The following NRXN3 variants were observed in gnomAD, a reference collection of about 807,000 sequenced individuals.
NRXN3 encodes the protein neurexin III.
NRXN3 carries 32 observed loss-of-function variants against 137.6 expected under a neutral mutation model. The ratio of observed to expected loss-of-function variants is 0.23; its 90% CI spans 0.18 to 0.31. NRXN3 has a LOEUF of 0.31. NRXN3 is among the 10% of genes least tolerant of loss of function. NRXN3 has a pLI of 1.00. For missense variants in NRXN3, 1,574 were observed against 2,062.5 expected, an observed-to-expected ratio of 0.76 and a Z score of 4.59; for synonymous variants, 798 against 784.5, an observed-to-expected ratio of 1.02 and a Z score of -0.29.
chr14:79,121,549 A>G (rs750835678), intron 15 of NRXN3, among the ~76,000 whole-genome samples: 15 of 152,096 alleles, frequency 9.9e-5, no homozygotes, highest in Non-Finnish European at 2.1e-4. Flanking sequence ...TTTATTTTTT[A>G]TTAGACAATT....
intron 15 of NRXN3, among the ~76,000 whole-genome samples, chr14:79,433,142 T>C (rs1366162253): frequency 6.6e-6 from 1 of 152,236 alleles, no homozygotes; most frequent in Admixed American, 6.5e-5. Flanking sequence ...GGGAAGAATG[T>C]CTGCAGAAAG....
At chr14:78,327,362 C>T (rs1379258359) in intron 4 of NRXN3, among the ~76,000 whole-genome samples, 1 of 152,172 alleles carries the variant, frequency 6.6e-6, no homozygotes, top group African/African-American at 2.4e-5. Flanking sequence ...AAGCAAACAA[C>T]ATGAACACTG....
At chr14:78,337,256 A>G (rs2081585354) in intron 4 of NRXN3, among the ~76,000 whole-genome samples, 1 of 152,164 alleles carries the variant, frequency 6.6e-6, no homozygotes, top group Non-Finnish European at 1.5e-5. Context: ...CTGACTGTAC[A>G]GAGGGAATTA....
chr14:78,787,265 A>C (rs1055399016), intron 8 of NRXN3, among the ~76,000 whole-genome samples: 3 of 152,184 alleles, frequency 2.0e-5, no homozygotes, highest in African/African-American at 7.2e-5. Context: ...TAAAGGATTT[A>C]TCTCTCTGAT....
intron 10 of NRXN3, among the ~76,000 whole-genome samples, chr14:78,873,284 T>G: frequency 6.8e-6 from 1 of 146,392 alleles, no homozygotes. Context: ...ATCCAGTCTC[T>G]TTTGCTACTG....
chr14:78,170,540 G>A lies in NRXN3; in HGVS notation c.-838G>A, dbSNP rs192845103. 7 of 152,244 alleles carry A rather than the reference G, an allele frequency of 4.6e-5. No homozygotes were observed. The highest frequency in any genetic ancestry group is 1.7e-4 in the African/African-American group (7 of 41,422). The allele number at this position is 152,244 out of a possible 1,614,324, so 9.4% of individuals were successfully genotyped here. A position where few individuals can be genotyped will look rare whatever the true frequency, so the allele number is the denominator to read the frequency against. ...CCTTCTACCCTGCCACTCCCTCCCA[G>A]AGAGAAAGGAAAAGGAGAGAGAAAG... On this transcript the variant is annotated 5_prime_UTR_variant, in exon 1 of 21. Transcript: ENST00000335750.
intron 4 of NRXN3, among the ~76,000 whole-genome samples, chr14:78,335,331 C>A (rs1184910636): frequency 6.6e-6 from 1 of 152,198 alleles, no homozygotes; most frequent in Non-Finnish European, 1.5e-5. Flanking sequence ...GTCTGTGGCC[C>A]TCTGGCACTC....
chr14:79,449,621 A>G (rs1336912268), intron 15 of NRXN3, among the ~76,000 whole-genome samples: 1 of 152,206 alleles, frequency 6.6e-6, no homozygotes, highest in Non-Finnish European at 1.5e-5. Context: ...TATATATTCA[A>G]ATATAAGGCC....
At chr14:79,139,545 T>C (rs950927905) in intron 15 of NRXN3, among the ~76,000 whole-genome samples, 12 of 152,156 alleles carry the variant, frequency 7.9e-5, no homozygotes, top group Non-Finnish European at 1.6e-4. Flanking sequence ...ACCTGTCCTG[T>C]AACTTCACAG....
chr14:79,749,321 ATGG>A (rs1409842252), intron 19 of NRXN3, among the ~76,000 whole-genome samples: 1 of 152,006 alleles, frequency 6.6e-6, no homozygotes, highest in East Asian at 1.9e-4. Flanking sequence ...CTCCATCCAG[ATGG>A]TGCCTGCTCA....
chr14:78,896,163 C>CA (rs1465932190), intron 10 of NRXN3, among the ~76,000 whole-genome samples: 1 of 151,652 alleles, frequency 6.6e-6, no homozygotes, highest in African/African-American at 2.4e-5. Context: ...AAGTGAAGCA[C>CA]AAAAAAACTA....
At chr14:79,567,353 G>C (rs569643094) in intron 16 of NRXN3, among the ~76,000 whole-genome samples, 1 of 151,750 alleles carries the variant, frequency 6.6e-6, no homozygotes, top group East Asian at 1.9e-4. Flanking sequence ...ACTGACCTCC[G>C]GACACAAGAC....
At chr14:78,637,546 T>C (rs547447232) in intron 4 of NRXN3, among the ~76,000 whole-genome samples, 31 of 152,216 alleles carry the variant, frequency 2.0e-4, no homozygotes, top group African/African-American at 7.0e-4. Flanking sequence ...AGCAACTCTA[T>C]GAAATATGTA....
chr14:79,627,813 A>T (rs1471884955), intron 16 of NRXN3, among the ~76,000 whole-genome samples: 2 of 152,144 alleles, frequency 1.3e-5, no homozygotes, highest in Non-Finnish European at 2.9e-5. Flanking sequence ...GGGTGCTGAG[A>T]TATAGCAGAT....
intron 9 of NRXN3, among the ~76,000 whole-genome samples, chr14:78,808,717 C>G (rs748150686): frequency 1.8e-4 from 28 of 152,132 alleles, no homozygotes; most frequent in Non-Finnish European, 3.4e-4. Context: ...ATGTTCTTCT[C>G]GGGAACAAAT....
intron 16 of NRXN3, among the ~76,000 whole-genome samples, chr14:79,659,275 G>A (rs1304305503): frequency 6.6e-6 from 1 of 151,954 alleles, no homozygotes; most frequent in East Asian, 1.9e-4. Flanking sequence ...TAATATCAAG[G>A]AAGAATATAG....
intron 16 of NRXN3, among the ~76,000 whole-genome samples, chr14:79,612,036 A>G (rs2098109963): frequency 1.3e-5 from 2 of 152,202 alleles, no homozygotes; most frequent in African/African-American, 2.4e-5. Context: ...TGCTATGGTA[A>G]TAAGACACTG....
At chr14:79,005,927 C>A (rs1046534542) in intron 15 of NRXN3, among the ~76,000 whole-genome samples, 1 of 152,144 alleles carries the variant, frequency 6.6e-6, no homozygotes, top group African/African-American at 2.4e-5. Context: ...ACTGATCTTA[C>A]ACATATTTGT....
chr14:79,517,816 A>C (rs1404403979), intron 16 of NRXN3, among the ~76,000 whole-genome samples: 2 of 151,452 alleles, frequency 1.3e-5, no homozygotes, highest in African/African-American at 4.9e-5. Context: ...TTCAATTCTG[A>C]AACCTGTACA....
Sources: allele counts gnomAD v4.1 joint callset (sites outside exome capture counted in the v4.1 genomes callset), GRCh38; gene constraint gnomAD v4.1.1; transcripts MANE v1.5; gene names NCBI Gene and HGNC (gene_info 2026-07-23, HGNC 2026-07-21).